The following GRIN2B variants were observed in gnomAD, a reference collection of about 807,000 sequenced individuals.
GRIN2B encodes glutamate receptor ionotropic, NMDA 2B.
A neutral mutation model predicts 114.5 loss-of-function variants in GRIN2B; 5 were observed. That is an observed-to-expected ratio of 0.04 (90% CI 0.02 to 0.09). The LOEUF (loss-of-function observed/expected upper bound fraction) is 0.09, where lower values mean the gene tolerates loss of function less well. Among genes scored for constraint, GRIN2B ranks in the 10% least tolerant of loss-of-function variants. The pLI is 1.00. For synonymous variants in GRIN2B, 787 were observed against 745.1 expected, an observed-to-expected ratio of 1.06 and a Z score of -0.92; for missense variants, 1,108 against 1,943.5, an observed-to-expected ratio of 0.57 and a Z score of 8.08.
At chr12:13,592,901 A>T (rs368992573) in intron 10 of GRIN2B, among the ~76,000 whole-genome samples, 1 of 152,214 alleles carries the variant, frequency 6.6e-6, no homozygotes, top group Non-Finnish European at 1.5e-5. Flanking sequence ...TTTGTTGTTT[A>T]TATAAAGGGT....
At chr12:13,606,401 A>G (rs747706102) in intron 10 of GRIN2B, among the ~76,000 whole-genome samples, 1 of 152,126 alleles carries the variant, frequency 6.6e-6, no homozygotes, top group Non-Finnish European at 1.5e-5. Context: ...TCTTTTTAAC[A>G]ATCAGCTGTT....
chr12:13,581,905 G>C (rs1948856535), intron 10 of GRIN2B, among the ~76,000 whole-genome samples: 1 of 85,946 alleles, frequency 1.2e-5, no homozygotes, highest in Non-Finnish European at 2.1e-5. Flanking sequence ...GTGAGACTTT[G>C]TCTCAAAAAA....
intron 12 of GRIN2B, 53 bp downstream of exon 12, chr12:13,569,777 T>C: frequency 9.0e-7 from 1 of 1,107,882 alleles, no homozygotes; most frequent in Non-Finnish European, 1.3e-6. Context: ...GTTGATGTTT[T>C]GGACTGGCCA....
intron 3 of GRIN2B, among the ~76,000 whole-genome samples, chr12:13,824,684 C>T (rs908960844): frequency 4.0e-5 from 6 of 151,884 alleles, no homozygotes; most frequent in Non-Finnish European, 8.8e-5. Context: ...GAAACCCCGT[C>T]TCTACTAAAA....
At chr12:13,701,101 C>A (rs1366536076) in intron 4 of GRIN2B, among the ~76,000 whole-genome samples, 6 of 152,156 alleles carry the variant, frequency 3.9e-5, no homozygotes, top group African/African-American at 1.4e-4. Flanking sequence ...GAAGAACTAA[C>A]ACACACTTAT....
At chr12:13,668,655 CGTAA>C (rs1382641928) in intron 5 of GRIN2B, among the ~76,000 whole-genome samples, 1 of 151,918 alleles carries the variant, frequency 6.6e-6, no homozygotes, top group African/African-American at 2.4e-5. Flanking sequence ...GTGTCATTGT[CGTAA>C]GTAAAACACA....
chr12:13,838,763 G>C (rs548209118), intron 3 of GRIN2B, among the ~76,000 whole-genome samples: 10 of 152,358 alleles, frequency 6.6e-5, no homozygotes, highest in African/African-American at 1.9e-4. Context: ...GGAGTGGATG[G>C]AGAAGCCAGA....
At chr12:13,771,703 C>T (rs1208860756) in intron 3 of GRIN2B, among the ~76,000 whole-genome samples, 1 of 152,230 alleles carries the variant, frequency 6.6e-6, no homozygotes, top group Non-Finnish European at 1.5e-5. Flanking sequence ...TTCCCTGGTT[C>T]ATTAAGTGTG....
intron 3 of GRIN2B, among the ~76,000 whole-genome samples, chr12:13,797,570 AG>A (rs760018018): frequency 2.6e-4 from 40 of 152,182 alleles, no homozygotes; most frequent in Non-Finnish European, 4.1e-4. Context: ...ATTTTCAAAA[AG>A]GTCTACTTTC....
In GRIN2B at chr12:13,889,844, G is replaced by A. The variant is rs532421281; in HGVS notation, c.-18-23618C>T. The stretch of plus-strand genomic sequence containing the variant: ...AGATCTGAGCCCAGGAAGCTAACAC[G>A]CTCAATGGTAACAGATACAGAGATG... On this transcript the variant is annotated intron_variant, in intron 2 of 13. Coordinates refer to ENST00000609686, the MANE Select transcript of GRIN2B (RefSeq NM_000834.5). Among the ~76,000 whole-genome samples, 8 of 152,266 alleles carry A rather than the reference G, an allele frequency of 5.3e-5. No individual in the cohort carries two copies. In the South Asian group the frequency reaches 1.0e-3, roughly 20 times the overall value.
At chr12:13,586,342 A>G (rs1948925197) in intron 10 of GRIN2B, among the ~76,000 whole-genome samples, 1 of 152,200 alleles carries the variant, frequency 6.6e-6, no homozygotes, top group Non-Finnish European at 1.5e-5. Context: ...CTTTGTTATC[A>G]TTATATCTTT....
chr12:13,564,232 C>T lies in GRIN2B; in HGVS notation c.3006G>A (p.Gly1002=), dbSNP rs199769470. The T allele has an allele frequency of 1.9e-6, 3 of 1,614,016 alleles. No homozygotes were observed. Among genetic ancestry groups the T allele is most frequent in the Non-Finnish European group, 2.5e-6 (3 of 1,180,036 alleles). The change falls in exon 14 of 14, where the codon GGG becomes GGA. Residue 1002 remains glycine (G), a synonymous_variant. Coordinates refer to ENST00000609686, the MANE Select transcript of GRIN2B (RefSeq NM_000834.5). The surrounding 1 kb of genome is among the most constrained non-coding windows in gnomAD (Gnocchi z 4.8). The stretch of plus-strand genomic sequence containing the variant: ...AGGGTGGGTTGTCACAGTCGTAGAG[C>T]CCATCGATGGAGCTGGCACTGCCAA... ...HSIGSASSID[G]LYDCDNPPFT...
chr12:13,938,971 A>G (rs1457930389), intron 2 of GRIN2B, among the ~76,000 whole-genome samples: 1 of 152,184 alleles, frequency 6.6e-6, no homozygotes, highest in Non-Finnish European at 1.5e-5. Flanking sequence ...TCAAACTTCA[A>G]CTTACGCTCA....
intron 10 of GRIN2B, among the ~76,000 whole-genome samples, chr12:13,583,980 C>T (rs1948885768): frequency 6.6e-6 from 1 of 152,206 alleles, no homozygotes; most frequent in African/African-American, 2.4e-5. Context: ...AGAGCCTGGA[C>T]TATTTTCAGA....
intron 2 of GRIN2B, among the ~76,000 whole-genome samples, chr12:13,901,256 G>T (rs1205258195): frequency 1.3e-5 from 2 of 152,022 alleles, no homozygotes. Context: ...CTTTTCATAT[G>T]TTTATTGGCC....
intron 4 of GRIN2B, among the ~76,000 whole-genome samples, chr12:13,726,754 G>A (rs1156935563): frequency 3.3e-5 from 5 of 151,072 alleles, no homozygotes; most frequent in African/African-American, 1.2e-4. Flanking sequence ...TGAGATTTTG[G>A]TGCACCCATC....
Position 13,571,728 on chromosome 12 carries a change from G to C in GRIN2B, c.2171+76C>G. ...TATGATACCAAGCATGGTATACCTA[G>C]TGCATGTGATTCAATAGTATGCTTA... On this transcript the variant is annotated intron_variant, in intron 11 of 13. Transcript: ENST00000609686. 4 of 1,380,692 alleles carry C rather than the reference G, an allele frequency of 2.9e-6. No homozygotes were observed. In the South Asian group the frequency reaches 3.5e-5, roughly 12 times the overall value. The allele number at this position is 1,380,692 out of a possible 1,614,324, so 85.5% of individuals were successfully genotyped here.
chr12:13,907,704 TG>T (rs1866565250), intron 2 of GRIN2B, among the ~76,000 whole-genome samples: 1 of 152,166 alleles, frequency 6.6e-6, no homozygotes, highest in Non-Finnish European at 1.5e-5. Context: ...AGTGGTTATA[TG>T]GATGTTATAC....
chr12:13,974,049 A>AT (rs987382568), intron 2 of GRIN2B, among the ~76,000 whole-genome samples: 6 of 152,312 alleles, frequency 3.9e-5, no homozygotes, highest in African/African-American at 1.4e-4. Flanking sequence ...GAATAATGGG[A>AT]TCCCTCTTCA....
Sources: gnomAD v4.1 joint callset for allele counts (sites outside exome capture counted in the v4.1 genomes callset) on GRCh38, gnomAD v4.1.1 for gene constraint, Gnocchi (gnomAD v3.1) non-coding constraint, MANE v1.5 for transcripts, NCBI Gene and HGNC (gene_info 2026-07-23, HGNC 2026-07-21) for gene names.